RBMS3: variants seen among roughly 807,000 people sequenced by gnomAD.
The protein encoded by RBMS3 is RNA-binding motif, single-stranded-interacting protein 3.
RBMS3 carries 27 observed loss-of-function variants against 66.8 expected under a neutral mutation model. That is an observed-to-expected ratio of 0.40 (90% confidence interval 0.30 to 0.56). The LOEUF (loss-of-function observed/expected upper bound fraction) is 0.56. Ranked by LOEUF, RBMS3 falls within the 20% of genes least tolerant of loss-of-function variation. RBMS3 has a pLI of 0.40. For synonymous variants in RBMS3, 188 were observed against 183.0 expected, an observed-to-expected ratio of 1.03 and a Z score of -0.22; for missense variants, 513 against 549.5, an observed-to-expected ratio of 0.93 and a Z score of 0.66.
intron 7 of RBMS3, among the ~76,000 whole-genome samples, chr3:29,878,125 G>C (rs2059653042): frequency 6.6e-6 from 1 of 152,042 alleles, no homozygotes; most frequent in Non-Finnish European, 1.5e-5. Context: ...GTAATGTGCA[G>C]TTCACAATAG....
chr3:29,462,386 T>C (rs17724295), intron 2 of RBMS3, among the ~76,000 whole-genome samples: 2,504 of 152,320 alleles, frequency 0.016, 36 homozygotes, highest in Non-Finnish European at 0.021. Context: ...CTTTCTTGCA[T>C]GTACATTATC....
intron 8 of RBMS3, among the ~76,000 whole-genome samples, chr3:29,895,872 C>G (rs963033194): frequency 1.3e-5 from 2 of 151,206 alleles, no homozygotes; most frequent in African/African-American, 2.4e-5. Flanking sequence ...TCCACTTTCT[C>G]TGCATCCTTG....
At chr3:29,991,393 A>C (rs1288837104) in intron 14 of RBMS3, 184 bp downstream of exon 14, 9 of 887,424 alleles carry the variant, frequency 1.0e-5, no homozygotes, top group Non-Finnish European at 1.3e-5. Flanking sequence ...GGTTCTTCTG[A>C]TCTTGACAGG....
At chr3:29,907,477 G>T (rs1375762581) in intron 10 of RBMS3, among the ~76,000 whole-genome samples, 1 of 151,338 alleles carries the variant, frequency 6.6e-6, no homozygotes, top group East Asian at 1.9e-4. Flanking sequence ...AAGTTTTTTT[G>T]AAACTATTGA....
intron 3 of RBMS3, among the ~76,000 whole-genome samples, chr3:29,501,156 T>A (rs1270739403): frequency 1.3e-5 from 2 of 152,188 alleles, no homozygotes; most frequent in African/African-American, 4.8e-5. Context: ...TACAATTATC[T>A]AATAAAAGCT....
chr3:29,884,425 T>TCC (rs2059812190), intron 8 of RBMS3, among the ~76,000 whole-genome samples: 2 of 61,764 alleles, frequency 3.2e-5, no homozygotes, highest in African/African-American at 1.2e-4. Flanking sequence ...AACCCTGTTC[T>TCC]CTCTCTCTCT....
At chr3:29,777,105 C>G (rs896930197) in intron 6 of RBMS3, among the ~76,000 whole-genome samples, 2 of 151,790 alleles carry the variant, frequency 1.3e-5, no homozygotes, top group Non-Finnish European at 2.9e-5. Context: ...GCCTGCATTC[C>G]CCTCATTCCA....
chr3:29,564,415 G>A (rs2046668701), intron 3 of RBMS3, among the ~76,000 whole-genome samples: 1 of 151,690 alleles, frequency 6.6e-6, no homozygotes, highest in Non-Finnish European at 1.5e-5. Context: ...GAACCTGGAA[G>A]GTGGAGGTTG....
At chr3:29,879,350 C>T (rs1169442656) in intron 7 of RBMS3, among the ~76,000 whole-genome samples, 1 of 152,052 alleles carries the variant, frequency 6.6e-6, no homozygotes, top group Non-Finnish European at 1.5e-5. Flanking sequence ...CCTTTTTATA[C>T]ATAATTTTTA....
chr3:29,534,110 C>G (rs989869571), intron 3 of RBMS3, among the ~76,000 whole-genome samples: 1 of 152,196 alleles, frequency 6.6e-6, no homozygotes, highest in African/African-American at 2.4e-5. Flanking sequence ...TTATCTTAGG[C>G]TCCAACTTCA....
At chr3:29,420,165 T>C (rs369987958) in intron 1 of RBMS3, among the ~76,000 whole-genome samples, 1 of 152,324 alleles carries the variant, frequency 6.6e-6, no homozygotes, top group Non-Finnish European at 1.5e-5. Flanking sequence ...AGTTCCACCT[T>C]TCTTTGAGAA....
chr3:29,468,280 A>G (rs749841623), intron 2 of RBMS3, among the ~76,000 whole-genome samples: 11 of 152,172 alleles, frequency 7.2e-5, no homozygotes, highest in Non-Finnish European at 1.5e-4. Flanking sequence ...GAAGATCTCT[A>G]TGTCCTCTGG....
chr3:29,719,231 G>A (rs1395221545), intron 4 of RBMS3, among the ~76,000 whole-genome samples: 4 of 152,092 alleles, frequency 2.6e-5, no homozygotes, highest in South Asian at 2.1e-4. Context: ...AAACTTGTAC[G>A]CTGTGAAAAT....
intron 4 of RBMS3, among the ~76,000 whole-genome samples, chr3:29,732,629 G>A (rs979495735): frequency 1.3e-5 from 2 of 152,080 alleles, no homozygotes; most frequent in Admixed American, 6.6e-5. Context: ...ATCTTTGTTC[G>A]AATTAGTGTT....
intron 3 of RBMS3, among the ~76,000 whole-genome samples, chr3:29,535,333 G>A (rs145557232): frequency 9.1e-4 from 138 of 152,234 alleles, no homozygotes; most frequent in African/African-American, 3.2e-3. Flanking sequence ...GATTGTAAAT[G>A]CATCATTCTG....
At chr3:29,474,292 A>G (rs2042870629) in intron 2 of RBMS3, among the ~76,000 whole-genome samples, 1 of 152,210 alleles carries the variant, frequency 6.6e-6, no homozygotes, top group African/African-American at 2.4e-5. Context: ...ATGGTATTCC[A>G]TTGTTTGAAT....
At chr3:29,818,908 T>A (rs2057995606) in intron 6 of RBMS3, among the ~76,000 whole-genome samples, 1 of 152,314 alleles carries the variant, frequency 6.6e-6, no homozygotes, top group Non-Finnish European at 1.5e-5. Flanking sequence ...GCATGAATGC[T>A]AAGTTTTACT....
intron 6 of RBMS3, among the ~76,000 whole-genome samples, chr3:29,771,219 C>CA (rs1477878167): frequency 1.3e-5 from 2 of 151,852 alleles, no homozygotes; most frequent in Non-Finnish European, 2.9e-5. Flanking sequence ...TTTTTCAGTA[C>CA]AAAAAATAAA....
chr3:29,639,217 A>T (rs1166997143), intron 4 of RBMS3, among the ~76,000 whole-genome samples: 1 of 151,814 alleles, frequency 6.6e-6, no homozygotes, highest in East Asian at 1.9e-4. Flanking sequence ...AGAAATTAAT[A>T]GTATTTATCT....
Sources: allele counts gnomAD v4.1 joint callset (sites outside exome capture counted in the v4.1 genomes callset), GRCh38; gene constraint gnomAD v4.1.1; transcripts MANE v1.5; gene names NCBI Gene and HGNC (gene_info 2026-07-23, HGNC 2026-07-21).